The following ADGRL2 variants were observed in gnomAD, a reference collection of about 807,000 sequenced individuals.
ADGRL2 encodes the protein calcium-independent alpha-latrotoxin receptor 2.
Under a neutral mutation model 157.4 loss-of-function variants are expected in ADGRL2, and 44 were observed. That is an observed-to-expected ratio of 0.28 (90% confidence interval 0.22 to 0.36). ADGRL2 has a LOEUF of 0.36. ADGRL2 is among the 10% of genes least tolerant of loss of function. ADGRL2 has a pLI of 1.00. For missense variants in ADGRL2, 1,510 were observed against 1,768.9 expected (o/e 0.85, Z 2.63); for synonymous variants, 585 against 624.7 (o/e 0.94, Z 0.95).
intron 1 of ADGRL2, among the ~76,000 whole-genome samples, chr1:81,393,864 G>A (rs1473785347): frequency 6.9e-6 from 1 of 145,294 alleles, no homozygotes; most frequent in East Asian, 2.0e-4. Context: ...CCCAGAATGA[G>A]AGTAATTCAT....
At chr1:81,737,668 C>A (rs968560551) in intron 1 of ADGRL2, among the ~76,000 whole-genome samples, 28 of 152,218 alleles carry the variant, frequency 1.8e-4, no homozygotes, top group African/African-American at 6.5e-4. Context: ...ATTTTAAGGT[C>A]AGGGTATATG....
intron 2 of ADGRL2, among the ~76,000 whole-genome samples, chr1:81,535,456 T>C (rs2079712610): frequency 6.6e-6 from 1 of 152,154 alleles, no homozygotes; most frequent in African/African-American, 2.4e-5. Context: ...GACATTCCTT[T>C]CTTTCAGACT....
At chr1:81,711,475 C>T (rs1254372651) in intron 1 of ADGRL2, among the ~76,000 whole-genome samples, 1 of 152,116 alleles carries the variant, frequency 6.6e-6, no homozygotes, top group Non-Finnish European at 1.5e-5. Flanking sequence ...TCCATTTTGT[C>T]ATATAGAATA....
chr1:81,876,177 T>G (rs2151111411), intron 2 of ADGRL2, among the ~76,000 whole-genome samples: 1 of 152,296 alleles, frequency 6.6e-6, no homozygotes, highest in Non-Finnish European at 1.5e-5. Flanking sequence ...ATAAATACAT[T>G]AAGAATGTAG....
At chr1:81,783,800 TAA>T (rs2086915369) in intron 2 of ADGRL2, among the ~76,000 whole-genome samples, 1 of 152,216 alleles carries the variant, frequency 6.6e-6, no homozygotes, top group Non-Finnish European at 1.5e-5. Flanking sequence ...GGTATTTATA[TAA>T]CAGCATTATA....
At chr1:81,824,416 A>C (rs1388054703) in intron 1 of ADGRL2, among the ~76,000 whole-genome samples, 3 of 151,908 alleles carry the variant, frequency 2.0e-5, no homozygotes. Flanking sequence ...CTGGAACTAC[A>C]GGCACATGCC....
intron 3 of ADGRL2, among the ~76,000 whole-genome samples, chr1:81,646,939 T>G (rs762464797): frequency 6.6e-6 from 1 of 152,188 alleles, no homozygotes; most frequent in East Asian, 1.9e-4. Flanking sequence ...AACTCTTAAG[T>G]GGAGGCTGTA....
intron 1 of ADGRL2, among the ~76,000 whole-genome samples, chr1:81,365,074 C>T (rs754909541): frequency 1.3e-5 from 2 of 152,168 alleles, no homozygotes; most frequent in Non-Finnish European, 2.9e-5. Context: ...TGAGAGCTGA[C>T]GCCCTGAGGC....
At chr1:81,768,528 C>A (rs2086227036) in intron 2 of ADGRL2, among the ~76,000 whole-genome samples, 1 of 149,716 alleles carries the variant, frequency 6.7e-6, no homozygotes, top group Non-Finnish European at 1.5e-5. Flanking sequence ...GGCTGGAGTG[C>A]AGTGGTACAA....
intron 1 of ADGRL2, among the ~76,000 whole-genome samples, chr1:81,393,748 C>T (rs1327028962): frequency 3.3e-5 from 5 of 151,264 alleles, no homozygotes; most frequent in Admixed American, 6.6e-5. Flanking sequence ...GGAATCTACA[C>T]CATATAATAA....
At chr1:81,641,336 C>A (rs1418323045) in intron 3 of ADGRL2, among the ~76,000 whole-genome samples, 1 of 152,112 alleles carries the variant, frequency 6.6e-6, no homozygotes, top group East Asian at 1.9e-4. Flanking sequence ...AATCAACATC[C>A]ATAAGCTACT....
intron 1 of ADGRL2, among the ~76,000 whole-genome samples, chr1:81,367,196 C>CCTGTT (rs113933450): frequency 1.3e-5 from 2 of 151,352 alleles, no homozygotes; most frequent in East Asian, 3.9e-4. Context: ...GGCAGTAACT[C>CCTGTT]TTGTTTTGTT....
intron 1 of ADGRL2, among the ~76,000 whole-genome samples, chr1:81,389,732 A>G (rs1346614317): frequency 1.3e-5 from 2 of 152,170 alleles, no homozygotes; most frequent in Non-Finnish European, 2.9e-5. Context: ...TTGTTTATCT[A>G]AAATACAAAA....
At chr1:81,643,448 GACT>G (rs898572303) in intron 3 of ADGRL2, among the ~76,000 whole-genome samples, 3 of 152,126 alleles carry the variant, frequency 2.0e-5, no homozygotes, top group African/African-American at 7.2e-5. Context: ...GAGTAGCCAG[GACT>G]ACAAGTATGT....
chr1:81,690,088 G>A (rs1156748533), intron 3 of ADGRL2, among the ~76,000 whole-genome samples: 11 of 152,198 alleles, frequency 7.2e-5, no homozygotes, highest in Non-Finnish European at 1.5e-5. Context: ...AATTTGATGA[G>A]AAGCAGGGAT....
intron 6 of ADGRL2, among the ~76,000 whole-genome samples, chr1:81,946,964 G>A (rs1650081519): frequency 6.6e-6 from 1 of 152,110 alleles, no homozygotes; most frequent in Non-Finnish European, 1.5e-5. Flanking sequence ...ATCAATAGAA[G>A]TTCTTAGTAC....
At chr1:81,476,122 T>A (rs1434159707) in intron 2 of ADGRL2, among the ~76,000 whole-genome samples, 3 of 147,956 alleles carry the variant, frequency 2.0e-5, no homozygotes, top group African/African-American at 7.5e-5. Flanking sequence ...CTTAAATATA[T>A]GGGTAGGAAA....
Position 81,465,135 on chromosome 1 carries a change from T to C in ADGRL2, c.-248+20046T>C, listed in dbSNP as rs558372990. On this transcript the variant is annotated intron_variant, in intron 2 of 24. Coordinates refer to the ADGRL2 transcript ENST00000370721. ...GTATTGTTTGTGAAATCATTCACTG[T>C]TAAAATGACAACTTCAAATATCACA... is the stretch of plus-strand genomic sequence containing the variant. Among the ~76,000 whole-genome samples, 40 of 152,252 alleles carry C rather than the reference T, an allele frequency of 2.6e-4. No homozygotes were observed. In the South Asian group the frequency reaches 7.9e-3, roughly 30 times the overall value.
chr1:81,607,583 GA>G (rs2081460488), intron 3 of ADGRL2, among the ~76,000 whole-genome samples: 1 of 152,148 alleles, frequency 6.6e-6, no homozygotes, highest in African/African-American at 2.4e-5. Flanking sequence ...GACAAAACAT[GA>G]AATTCAGGAG....
Sources: allele counts gnomAD v4.1 joint callset (sites outside exome capture counted in the v4.1 genomes callset), GRCh38; gene constraint gnomAD v4.1.1; transcripts MANE v1.5; gene names NCBI Gene and HGNC (gene_info 2026-07-23, HGNC 2026-07-21).